The following MRPS2 variants were observed in gnomAD, a reference collection of about 807,000 sequenced individuals.
The protein encoded by MRPS2 is small ribosomal subunit protein uS2m.
A neutral mutation model predicts 18.9 loss-of-function variants in MRPS2; 13 were observed. That is an observed-to-expected ratio of 0.69 (90% CI 0.45 to 1.09). MRPS2 has a LOEUF of 1.09. Among genes scored for constraint, MRPS2 ranks in the 50% least tolerant of loss-of-function variants. MRPS2 has a pLI of 0.00. For missense variants in MRPS2, 389 were observed against 421.7 expected (o/e 0.92, Z 0.68); for synonymous variants, 186 against 178.4 (o/e 1.04, Z -0.34).
Position 135,500,995 on chromosome 9 carries a change from C to T in MRPS2, c.44-3C>T, listed in dbSNP as rs748135920. 1 of 1,611,844 alleles carries T rather than the reference C, an allele frequency of 6.2e-7. No individual in the cohort carries two copies. Among genetic ancestry groups the T allele is most frequent in the Admixed American group, 1.7e-5 (1 of 59,988 alleles). On this transcript the variant is annotated splice_polypyrimidine_tract_variant and splice_region_variant and intron_variant, in intron 1 of 3. Coordinates refer to ENST00000241600, the MANE Select transcript of MRPS2 (RefSeq NM_016034.5). ...GCCAGGACCTCTATCTACTTCCCCC[C>T]AGGTGCCCGGGCCCCGTCGCGCTGG... is the stretch of plus-strand genomic sequence containing the variant.
chr9:135,500,089 G>A, upstream of MRPS2: 1 of 519,288 alleles, frequency 1.9e-6, no homozygotes, highest in Non-Finnish European at 3.3e-6. Context: ...ACCCGCGGGG[G>A]GACCGGGCCA....
rs1831091616 is a variant in MRPS2, at chr9:135,500,739, G to A, written c.29G>A (p.Arg10Gln). Residue 10 changes from arginine to glutamine, a missense_variant, in exon 1 of 4, where the codon CGA (arginine) becomes CAA (glutamine). Transcript: ENST00000241600. ...GCGACATCCTCGGCCGCGCTGCCCC[G>A]AATACTCGGCGCGGGTGAGCGCGCG... is the stretch of plus-strand genomic sequence containing the variant. MATSSAALP[R>Q]ILGAGARAPS... 1.3e-6 allele frequency: 2 copies of A among 1,483,772 alleles called. No individual in the cohort carries two copies. Among genetic ancestry groups the A allele is most frequent in the African/African-American group, 2.9e-5 (2 of 69,408 alleles). The allele number at this position is 1,483,772 out of a possible 1,614,324, so 91.9% of individuals were successfully genotyped here.
At chr9:135,502,272 T>G in intron 3 of MRPS2, 1 of 1,163,340 alleles carries the variant, frequency 8.6e-7, no homozygotes, top group South Asian at 2.0e-5. Flanking sequence ...GTAAGGTTGG[T>G]CCCCCCGGAT....
In MRPS2 at chr9:135,503,516, C is replaced by A. The variant is rs748255231; in HGVS notation, c.300-26C>A. 1.9e-5 allele frequency: 31 copies of A among 1,601,008 alleles called. No homozygotes were observed. The South Asian group carries it at 3.5e-4, about 18-fold the overall frequency. On this transcript the variant is annotated intron_variant, in intron 3 of 3. Transcript: ENST00000241600. Reference sequence around the variant, plus strand: ...AGATGGCCCCGTGAACTCTCATCCCCCTTGCCTTGGTGGGGTCTCTGGCAG... The same window carrying A: ...AGATGGCCCCGTGAACTCTCATCCCACTTGCCTTGGTGGGGTCTCTGGCAG...
intron 1 of MRPS2, 101 bp from the exon 2 acceptor site, chr9:135,500,897 G>A (rs1407424771): frequency 5.1e-6 from 8 of 1,569,670 alleles, no homozygotes; most frequent in African/African-American, 1.4e-5. Flanking sequence ...GACGCGGAGG[G>A]GACCCGTTAG....
intron 2 of MRPS2, chr9:135,501,446 A>C: frequency 9.9e-7 from 1 of 1,013,972 alleles, no homozygotes; most frequent in Non-Finnish European, 1.3e-6. Flanking sequence ...ACCTGGGGGC[A>C]CTGGGCTTGG....
chr9:135,504,352 A>G lies in MRPS2; in HGVS notation c.*219A>G, dbSNP rs3748201. On this transcript the variant is annotated 3_prime_UTR_variant, in exon 4 of 4. Transcript: ENST00000241600. This position sits in a 1 kb window ranked among gnomAD's most constrained non-coding sequence, Gnocchi z 4.3. ...GAACAGAGCACAGAGGGTGAGCGAC[A>G]TGTGCAGAACGGCCCCTTGGCTGCA... 50,480 of 592,608 alleles carry G rather than the reference A, an allele frequency of 0.085. 3,404 individuals are homozygous for G. The highest frequency in any genetic ancestry group is 0.27 in the African/African-American group (14,243 of 53,710). The allele number at this position is 592,608 out of a possible 1,614,324, so 36.7% of individuals were successfully genotyped here. A position where few individuals can be genotyped will look rare whatever the true frequency, so the allele number is the denominator to read the frequency against.
Position 135,501,840 on chromosome 9 carries a change from G to A in MRPS2, c.170-4G>A, listed in dbSNP as rs377751899. ...CGCAGCGTCGCTCCTCCTCCCTGCC[G>A]TAGATTTCAACGACAAGATTTTGAA... is the stretch of plus-strand genomic sequence containing the variant. On this transcript the variant is annotated splice_region_variant and splice_polypyrimidine_tract_variant and intron_variant, in intron 2 of 3. Transcript: ENST00000241600. 20 of 1,613,022 alleles carry A rather than the reference G, an allele frequency of 1.2e-5. No individual in the cohort carries two copies. The African/African-American group carries it at 1.5e-4, about 12-fold the overall frequency.
chr9:135,501,257 G>C lies in MRPS2; in HGVS notation c.169+134G>C, dbSNP rs907429638. The C allele has an allele frequency of 4.5e-5, 64 of 1,433,144 alleles. 1 individual carries two copies. The South Asian group carries it at 9.0e-4, about 20-fold the overall frequency. 88.8% of individuals were successfully genotyped at this position (1,433,144 alleles called of 1,614,324 possible). ...GCTCCGCTGGGCTCCTCCCACTCCC[G>C]TGCTCGCCGCCGCTCGGTCCTGCCT... On this transcript the variant is annotated intron_variant, in intron 2 of 3. Coordinates refer to ENST00000241600, the MANE Select transcript of MRPS2 (RefSeq NM_016034.5).
intron 2 of MRPS2, 79 bp downstream of exon 2, chr9:135,501,202 C>T (rs1198084686): frequency 1.1e-4 from 166 of 1,469,406 alleles, no homozygotes; most frequent in Non-Finnish European, 1.4e-4. Context: ...CCTAGAGGGG[C>T]CTGGGCGCTG....
Position 135,503,866 on chromosome 9 carries a change from C to T in MRPS2, c.624C>T (p.Ala208=), listed in dbSNP as rs370928628. ...ACAACATCTTTGAGCCACACGTGGC[C>T]GTGAGAGACGCAGCCAAGATGAACA... is the stretch of plus-strand genomic sequence containing the variant. ...TLNNIFEPHV[A]VRDAAKMNIP... The change falls in exon 4 of 4, where the codon GCC becomes GCT. Residue 208 remains alanine, a synonymous_variant. Transcript: ENST00000241600. 4.3e-6 allele frequency: 7 copies of T among 1,613,848 alleles called. No individual in the cohort carries two copies. The highest frequency in any genetic ancestry group is 1.7e-5 in the Admixed American group (1 of 60,002).
At chr9:135,500,356 G>C (rs1831081468), upstream of MRPS2, 1 of 364,982 alleles carries the variant, frequency 2.7e-6, no homozygotes, top group Non-Finnish European at 4.9e-6. Flanking sequence ...AGAGCGAGAG[G>C]TTGCGCAGGA....
At chr9:135,503,483 G>A in intron 3 of MRPS2, 59 bp from the exon 4 acceptor site, 1 of 1,530,794 alleles carries the variant, frequency 6.5e-7, no homozygotes, top group Non-Finnish European at 8.8e-7. Flanking sequence ...CCTGCAAGGA[G>A]CCAGTGGAGA....
At position 135,504,299 on chromosome 9, in the gene MRPS2, A is replaced by G. The variant is rs953401759; in HGVS notation, c.*166A>G. On this transcript the variant is annotated 3_prime_UTR_variant, in exon 4 of 4. Coordinates refer to ENST00000241600, the MANE Select transcript of MRPS2 (RefSeq NM_016034.5). This position sits in a 1 kb window ranked among gnomAD's most constrained non-coding sequence, Gnocchi z 4.3. Reference sequence around the variant, plus strand: ...ACAGAACCAGTGGCTGAGCGGACCAACGTTGCCATGTGCGTTTGCTCTGTG... The same window carrying G: ...ACAGAACCAGTGGCTGAGCGGACCAGCGTTGCCATGTGCGTTTGCTCTGTG... 6 of 674,894 alleles carry G rather than the reference A, an allele frequency of 8.9e-6. No individual in the cohort carries two copies. The highest frequency in any genetic ancestry group is 1.5e-5 in the Non-Finnish European group (6 of 405,234). 41.8% of individuals were successfully genotyped at this position (674,894 alleles called of 1,614,324 possible).
At chr9:135,500,940 G>C in intron 1 of MRPS2, 58 bp from the exon 2 acceptor site, 1 of 1,601,382 alleles carries the variant, frequency 6.2e-7, no homozygotes, top group Non-Finnish European at 8.5e-7. Flanking sequence ...GATGCGGTGG[G>C]GAGCGGGCGT....
intron 3 of MRPS2, chr9:135,503,083 C>T (rs539265302): frequency 1.7e-3 from 1,659 of 996,110 alleles, no homozygotes; most frequent in Non-Finnish European, 1.9e-3. Flanking sequence ...GATCAGGGTT[C>T]CCCGCCCAGG....
At chr9:135,501,289 G>A in intron 2 of MRPS2, 166 bp downstream of exon 2, 2 of 1,426,758 alleles carry the variant, frequency 1.4e-6, no homozygotes, top group African/African-American at 2.9e-5. Flanking sequence ...GCCTGACGTA[G>A]CACAGCGGGC....
upstream of MRPS2, chr9:135,499,986 C>A: frequency 1.9e-6 from 2 of 1,049,806 alleles, no homozygotes; most frequent in South Asian, 1.7e-5. Flanking sequence ...GGGTCCGGAA[C>A]CTGCCGGGCG....
In MRPS2 at chr9:135,501,884, T is replaced by C. The variant is rs759813639; in HGVS notation, c.210T>C (p.Ser70=). Residue 70 remains serine, a synonymous_variant, in exon 3 of 4, where the codon TCT becomes TCC. Coordinates refer to ENST00000241600, the MANE Select transcript of MRPS2 (RefSeq NM_016034.5). The part of the protein sequence containing the change: ...DKILNEPLKH[S]DFFNVKELFS... ...TTTTGAATGAGCCCCTCAAGCACTC[T>C]GACTTCTTCAATGTCAAGGAACTGT... 6.2e-7 allele frequency: 1 copy of C among 1,613,854 alleles called. No homozygotes were observed. Among genetic ancestry groups the C allele is most frequent in the South Asian group, 1.1e-5 (1 of 91,086 alleles).
Sources: allele counts gnomAD v4.1 joint callset, GRCh38; gene constraint gnomAD v4.1.1; non-coding constraint Gnocchi (gnomAD v3.1); transcripts MANE v1.5; gene names NCBI Gene and HGNC (gene_info 2026-07-23, HGNC 2026-07-21).